The following MED13L variants were observed in gnomAD, a reference collection of about 807,000 sequenced individuals.
The protein encoded by MED13L is mediator complex subunit 13L, also known as mediator of RNA polymerase II transcription subunit 13-like.
MED13L carries 7 observed loss-of-function variants against 220.9 expected under a neutral mutation model. The observed-to-expected ratio is 0.03, with a 90% CI of 0.02 to 0.06. The LOEUF (loss-of-function observed/expected upper bound fraction) is 0.06, where lower values mean the gene tolerates loss of function less well. Among genes scored for constraint, MED13L ranks in the 10% least tolerant of loss-of-function variants. The pLI is 1.00. For synonymous variants in MED13L, 1,011 were observed against 1,015.2 expected (o/e 1.00, Z 0.08); for missense variants, 1,965 against 2,760.5 (o/e 0.71, Z 6.46).
chr12:116,046,447 A>C (rs1421062357), intron 4 of MED13L, among the ~76,000 whole-genome samples: 19 of 152,214 alleles, frequency 1.2e-4, no homozygotes, highest in Admixed American at 1.2e-3. Context: ...GAAATGTTGG[A>C]TATTTAATGG....
chr12:116,129,726 T>C (rs770495982), intron 2 of MED13L, among the ~76,000 whole-genome samples: 4 of 151,976 alleles, frequency 2.6e-5, no homozygotes, highest in Non-Finnish European at 4.4e-5. Flanking sequence ...CTGGCCAACA[T>C]AGTGAAACCC....
chr12:116,084,986 C>CTGCGAT lies in MED13L; in HGVS notation c.479+11677_479+11682dup, dbSNP rs1479396829. On this transcript the variant is annotated intron_variant, in intron 4 of 30. Coordinates refer to ENST00000281928, the MANE Select transcript of MED13L (RefSeq NM_015335.5). ...AGCCAACTGTTTTCAATTATATATA[C>CTGCGAT]TGCGATGTCCGTTTATTTTTCTACA... is the stretch of plus-strand genomic sequence containing the variant. Among the ~76,000 whole-genome samples, 23 of 152,224 alleles carry CTGCGAT rather than the reference C, an allele frequency of 1.5e-4. No individual in the cohort carries two copies. The East Asian group carries it at 3.7e-3, about 24-fold the overall frequency.
chr12:116,034,803 C>T (rs1246474773), intron 4 of MED13L, among the ~76,000 whole-genome samples: 1 of 152,088 alleles, frequency 6.6e-6, no homozygotes, highest in Admixed American at 6.6e-5. Context: ...GTTGGGAGTT[C>T]AAGACCAGCC....
intron 2 of MED13L, among the ~76,000 whole-genome samples, chr12:116,231,151 C>A (rs1413971040): frequency 6.6e-6 from 1 of 152,102 alleles, no homozygotes; most frequent in African/African-American, 2.4e-5. Context: ...TTTAAACAGG[C>A]TCAAAATTAG....
intron 2 of MED13L, among the ~76,000 whole-genome samples, chr12:116,171,558 A>T (rs1334168283): frequency 6.6e-6 from 1 of 152,192 alleles, no homozygotes; most frequent in Non-Finnish European, 1.5e-5. Context: ...CCTCTGATTT[A>T]GCCCCATCCC....
intron 17 of MED13L, among the ~76,000 whole-genome samples, chr12:115,987,957 C>A (rs1032253427): frequency 6.6e-6 from 1 of 152,258 alleles, no homozygotes; most frequent in East Asian, 1.9e-4. Context: ...GAACTCCATG[C>A]AAAACTGTGC....
chr12:116,050,632 G>A (rs1868406461), intron 4 of MED13L, among the ~76,000 whole-genome samples: 1 of 152,072 alleles, frequency 6.6e-6, no homozygotes, highest in Non-Finnish European at 1.5e-5. Flanking sequence ...TAATTTAAGT[G>A]TATAAGGAAA....
chr12:116,206,749 A>G (rs1882358126), intron 2 of MED13L, among the ~76,000 whole-genome samples: 1 of 152,250 alleles, frequency 6.6e-6, no homozygotes, highest in Non-Finnish European at 1.5e-5. Flanking sequence ...AGAAGATAAA[A>G]CGCTAAAATA....
intron 28 of MED13L, 139 bp from the exon 29 acceptor site, chr12:115,966,382 G>C (rs536550622): frequency 3.6e-5 from 35 of 982,984 alleles, no homozygotes; most frequent in Non-Finnish European, 5.3e-5. Context: ...AGGTGACTGA[G>C]AAAGGTAAGC....
In MED13L at chr12:115,991,885, C is replaced by T. The variant is rs780149328; in HGVS notation, c.3069G>A (p.Thr1023=). 67 of 1,602,744 alleles carry T rather than the reference C, an allele frequency of 4.2e-5. No homozygotes were observed. The Admixed American group carries it at 6.5e-4, about 16-fold the overall frequency. The part of the protein sequence containing the change: ...LNTPQMNTPV[T]LNSAAPASNS... Reference sequence around the variant, plus strand: ...TGCTGGCTGGGGCAGCGCTGTTCAACGTCACGGGTGTGTTCATCTGTGGTG... The same window carrying T: ...TGCTGGCTGGGGCAGCGCTGTTCAATGTCACGGGTGTGTTCATCTGTGGTG... The change falls in exon 17 of 31, where the codon ACG becomes ACA. Residue 1023 remains threonine, a synonymous_variant. Coordinates refer to ENST00000281928, the MANE Select transcript of MED13L (RefSeq NM_015335.5). This position sits in a 1 kb window ranked among gnomAD's most constrained non-coding sequence, Gnocchi z 7.7.
chr12:115,972,124 G>C lies in MED13L; in HGVS notation c.5844C>G (p.Ala1948=). The C allele has an allele frequency of 6.2e-7, 1 of 1,614,044 alleles. No homozygotes were observed. Among genetic ancestry groups the C allele is most frequent in the Non-Finnish European group, 8.5e-7 (1 of 1,179,926 alleles). ...CCTGGGGCTCCATGGCAACCAGGCAGGCACTAAGGATAGAAGGAGAGTCTG... is the reference window on the plus strand; with the variant it reads ...CCTGGGGCTCCATGGCAACCAGGCACGCACTAAGGATAGAAGGAGAGTCTG... The part of the protein sequence containing the change: ...SAADSPSILS[A]CLVAMEPQGS... The change falls in exon 26 of 31, where the codon GCC becomes GCG. Residue 1948 remains alanine, a synonymous_variant. Transcript: ENST00000281928.
chr12:116,134,984 A>G (rs1456459091), intron 2 of MED13L, among the ~76,000 whole-genome samples: 1 of 152,122 alleles, frequency 6.6e-6, no homozygotes, highest in East Asian at 1.9e-4. Context: ...CCTGGCTAAC[A>G]CTGTGAAACC....
Position 115,986,291 on chromosome 12 carries a change from A to G in MED13L, c.4313T>C (p.Phe1438Ser). 1.2e-6 allele frequency: 2 copies of G among 1,614,180 alleles called. No homozygotes were observed. The highest frequency in any genetic ancestry group is 2.2e-5 in the South Asian group (2 of 91,076). Reference protein sequence around the residue: ...EALLEGAKTFFRDLSAVYEMC... With the variant: ...EALLEGAKTFSRDLSAVYEMC... The stretch of plus-strand genomic sequence containing the variant: ...CTCGTATACAGCACTCAAGTCCCTG[A>G]AGAAAGTTTTGGCTCCTTCGAGCAA... The change falls in exon 19 of 31, where the codon TTC (phenylalanine) becomes TCC (serine). Residue 1438 changes from phenylalanine (F) to serine (S), a missense_variant. Around this residue, in one of 10 missense-constraint regions of MED13L, gnomAD observed 510 missense variants for 620.4 expected, o/e 0.82. Coordinates refer to ENST00000281928, the MANE Select transcript of MED13L (RefSeq NM_015335.5).
intron 4 of MED13L, among the ~76,000 whole-genome samples, chr12:116,093,455 T>C (rs1365483722): frequency 6.6e-6 from 1 of 152,062 alleles, no homozygotes; most frequent in Non-Finnish European, 1.5e-5. Context: ...TCATATCAAA[T>C]ATTAAGAACC....
intron 2 of MED13L, among the ~76,000 whole-genome samples, chr12:116,185,760 A>C (rs1880854514): frequency 6.6e-6 from 1 of 151,506 alleles, no homozygotes; most frequent in African/African-American, 2.4e-5. Context: ...GCAGTGGCGC[A>C]ATCTAGGCTC....
intron 16 of MED13L, among the ~76,000 whole-genome samples, chr12:115,993,596 C>T (rs1001214464): frequency 6.6e-6 from 1 of 151,838 alleles, no homozygotes; most frequent in Non-Finnish European, 1.5e-5. Context: ...GCAATCACTG[C>T]TCTCTTAGAG....
chr12:116,196,383 A>C (rs1454985812), intron 2 of MED13L, among the ~76,000 whole-genome samples: 4 of 152,006 alleles, frequency 2.6e-5, no homozygotes, highest in East Asian at 1.9e-4. Flanking sequence ...CAATTAACAA[A>C]AAAAAAAAAA....
chr12:116,094,105 T>C (rs1305956635), intron 4 of MED13L, among the ~76,000 whole-genome samples: 1 of 152,192 alleles, frequency 6.6e-6, no homozygotes, highest in Non-Finnish European at 1.5e-5. Flanking sequence ...TGACTGTCCA[T>C]TTAAAACTGT....
chr12:116,070,424 A>G (rs527885947), intron 4 of MED13L, among the ~76,000 whole-genome samples: 1 of 152,340 alleles, frequency 6.6e-6, no homozygotes, highest in East Asian at 1.9e-4. Flanking sequence ...ACTTTTTAAT[A>G]TTAACTCATT....
Sources: gnomAD v4.1 joint callset for allele counts (sites outside exome capture counted in the v4.1 genomes callset) on GRCh38, gnomAD v4.1.1 for gene constraint, gnomAD v4.1.1 regional missense constraint, Gnocchi (gnomAD v3.1) non-coding constraint, MANE v1.5 for transcripts, NCBI Gene and HGNC (gene_info 2026-07-23, HGNC 2026-07-21) for gene names.